IL1RAPL1: variants seen among roughly 807,000 people sequenced by gnomAD.
The protein encoded by IL1RAPL1 is interleukin-1 receptor accessory protein-like 1.
IL1RAPL1 carries 3 observed loss-of-function variants against 48.4 expected under a neutral mutation model. The ratio of observed to expected loss-of-function variants is 0.06; its 90% CI spans 0.03 to 0.16. The LOEUF is 0.16. IL1RAPL1 is among the 10% of genes least tolerant of loss of function. The pLI is 1.00. For synonymous variants in IL1RAPL1, 185 were observed against 187.7 expected (o/e 0.99, Z 0.12); for missense variants, 349 against 530.6 (o/e 0.66, Z 3.36).
At chrX:29,267,225 A>G (rs918881720) in intron 2 of IL1RAPL1, among the ~76,000 whole-genome samples, 1 of 112,037 alleles carries the variant, frequency 8.9e-6, no homozygotes, top group Admixed American at 9.5e-5. Flanking sequence ...CATCCCTTGC[A>G]TGTCCCCATG....
intron 6 of IL1RAPL1, among the ~76,000 whole-genome samples, chrX:29,686,331 T>C (rs1173043077): frequency 1.8e-5 from 2 of 110,924 alleles, no homozygotes; most frequent in Non-Finnish European, 3.8e-5. Context: ...ATTTTCCAAA[T>C]AAAGAAGTAT....
At chrX:29,329,794 C>T (rs905772766) in intron 3 of IL1RAPL1, among the ~76,000 whole-genome samples, 1 of 95,462 alleles carries the variant, frequency 1.0e-5, no homozygotes, top group African/African-American at 4.0e-5. Flanking sequence ...GCCTGGGCAA[C>T]AAGTATGAAA....
At chrX:28,751,627 G>A (rs896244133) in intron 1 of IL1RAPL1, among the ~76,000 whole-genome samples, 2 of 111,952 alleles carry the variant, frequency 1.8e-5, no homozygotes, top group Non-Finnish European at 3.8e-5. Flanking sequence ...TATAATCAAT[G>A]TTGCTACAGC....
At chrX:29,666,157 A>G (rs1423945490) in intron 5 of IL1RAPL1, among the ~76,000 whole-genome samples, 1 of 111,159 alleles carries the variant, frequency 9.0e-6, no homozygotes. Flanking sequence ...AAAGTTTTTT[A>G]ACTACAAAGC....
At chrX:29,944,779 AC>A (rs1238464541) in intron 9 of IL1RAPL1, among the ~76,000 whole-genome samples, 1 of 110,859 alleles carries the variant, frequency 9.0e-6, no homozygotes, top group African/African-American at 3.3e-5. Context: ...AGATACTACC[AC>A]CTGGTCTTTG....
intron 2 of IL1RAPL1, among the ~76,000 whole-genome samples, chrX:29,064,358 A>G (rs1927405076): frequency 9.0e-6 from 1 of 111,371 alleles, no homozygotes; most frequent in Non-Finnish European, 1.9e-5. Context: ...AAAGGGCCAC[A>G]TGAAGTCCTT....
At chrX:28,759,740 G>T (rs773792912) in intron 1 of IL1RAPL1, among the ~76,000 whole-genome samples, 6 of 111,663 alleles carry the variant, frequency 5.4e-5, no homozygotes, top group Non-Finnish European at 1.1e-4. Flanking sequence ...AAAATGGTAC[G>T]AAATGATCAC....
At chrX:29,141,881 A>G (rs1219337348) in intron 2 of IL1RAPL1, among the ~76,000 whole-genome samples, 1 of 112,173 alleles carries the variant, frequency 8.9e-6, no homozygotes, top group African/African-American at 3.2e-5. Flanking sequence ...CAGACTATCA[A>G]TAGCTAGTAA....
intron 6 of IL1RAPL1, among the ~76,000 whole-genome samples, chrX:29,779,817 A>G (rs1415002934): frequency 9.0e-6 from 1 of 111,315 alleles, no homozygotes; most frequent in Non-Finnish European, 1.9e-5. Context: ...TGTGGGTAAC[A>G]TATATTAATT....
chrX:29,908,108 A>C (rs2147231851), intron 6 of IL1RAPL1, among the ~76,000 whole-genome samples: 1 of 110,665 alleles, frequency 9.0e-6, no homozygotes, highest in Admixed American at 9.7e-5. Flanking sequence ...AAACCCCTCA[A>C]ATTTGCCAGA....
At chrX:29,629,526 A>G (rs964360755) in intron 5 of IL1RAPL1, among the ~76,000 whole-genome samples, 2 of 111,780 alleles carry the variant, frequency 1.8e-5, no homozygotes, top group Non-Finnish European at 3.8e-5. Flanking sequence ...AAGTATTGAA[A>G]TCTCTAAGCT....
intron 2 of IL1RAPL1, among the ~76,000 whole-genome samples, chrX:28,861,346 T>A (rs1921938983): frequency 8.9e-6 from 1 of 112,312 alleles, no homozygotes; most frequent in South Asian, 3.7e-4. Flanking sequence ...GCTCTCTGAC[T>A]GTCCCAGTAG....
chrX:29,526,693 A>G (rs764872113), intron 5 of IL1RAPL1, among the ~76,000 whole-genome samples: 1 of 112,391 alleles, frequency 8.9e-6, no homozygotes, highest in Non-Finnish European at 1.9e-5. Flanking sequence ...TAAAATAGGA[A>G]TAAAATTAAC....
intron 1 of IL1RAPL1, among the ~76,000 whole-genome samples, chrX:28,768,703 T>TCTCTCTCTCTCTC (rs1936270613): frequency 1.7e-5 from 1 of 58,844 alleles, no homozygotes; most frequent in Non-Finnish European, 3.1e-5. Flanking sequence ...CTCTCTCTGT[T>TCTCTCTCTCTCTC]TCTCTCTCTC....
intron 2 of IL1RAPL1, among the ~76,000 whole-genome samples, chrX:29,000,910 C>T (rs1925837068): frequency 9.6e-6 from 1 of 104,345 alleles, no homozygotes; most frequent in Non-Finnish European, 2.0e-5. Flanking sequence ...ATAGTTATTG[C>T]TCTTTTTTTT....
Position 29,837,272 on chromosome X carries a change from A to AAAAAAT in IL1RAPL1, c.779-80191_779-80190insAAAATA, listed in dbSNP as rs1447926305. 3.1e-4 allele frequency among the ~76,000 whole-genome samples: 22 copies of AAAAAAT among 72,112 alleles called. 1 individual carries two copies. Among genetic ancestry groups the AAAAAAT allele is most frequent in the East Asian group, 1.4e-3 (3 of 2,118 alleles). 62.6% of individuals were successfully genotyped at this position (72,112 alleles called of 115,157 possible). A position where few individuals can be genotyped will look rare whatever the true frequency, so the allele number is the denominator to read the frequency against. On this transcript the variant is annotated intron_variant, in intron 6 of 10. Coordinates refer to ENST00000378993, the MANE Select transcript of IL1RAPL1 (RefSeq NM_014271.4). Reference sequence around the variant, plus strand: ...AGACTGCATCTCAAAAAAAAAAAAAAATATATATATATATATATATATATA... The same window carrying AAAAAAT: ...AGACTGCATCTCAAAAAAAAAAAAAAAAAAATATATATATATATATATATATATATA...
intron 2 of IL1RAPL1, among the ~76,000 whole-genome samples, chrX:28,943,984 C>T (rs2147350507): frequency 9.0e-6 from 1 of 111,065 alleles, no homozygotes; most frequent in East Asian, 2.8e-4. Flanking sequence ...ATAAAATTCT[C>T]CTTAGTCACT....
At chrX:29,607,529 C>T (rs5971607) in intron 5 of IL1RAPL1, among the ~76,000 whole-genome samples, 8,806 of 111,714 alleles carry the variant, frequency 0.079, 840 homozygotes, top group African/African-American at 0.27. Context: ...ATGTTAGTGA[C>T]GTGAAGCCTC....
At chrX:29,336,307 GTGTGTGT>G (rs1569289457) in intron 3 of IL1RAPL1, among the ~76,000 whole-genome samples, 172 of 10,748 alleles carry the variant, frequency 0.016, 6 homozygotes, top group African/African-American at 0.067. Context: ...GTTTTGGGGT[GTGTGTGT>G]GTGTGTGTGT....
Sources: gnomAD v4.1 joint callset for allele counts (sites outside exome capture counted in the v4.1 genomes callset) on GRCh38, gnomAD v4.1.1 for gene constraint, MANE v1.5 for transcripts, NCBI Gene and HGNC (gene_info 2026-07-23, HGNC 2026-07-21) for gene names.